OXR1: variants seen among roughly 807,000 people sequenced by gnomAD.
OXR1 encodes oxidation resistance protein 1.
In OXR1, 41 loss-of-function variants were observed where a neutral mutation model predicts 104.6. The observed-to-expected ratio is 0.39, with a 90% CI of 0.31 to 0.51. OXR1 has a LOEUF of 0.51. Among genes scored for constraint, OXR1 ranks in the 20% least tolerant of loss-of-function variants. The pLI is 0.77. For synonymous variants in OXR1, 348 were observed against 348.4 expected (o/e 1.00, Z 0.01); for missense variants, 955 against 1,031.9 (o/e 0.93, Z 1.02).
intron 8 of OXR1, among the ~76,000 whole-genome samples, chr8:106,703,340 A>G (rs528925655): frequency 6.6e-6 from 1 of 152,278 alleles, no homozygotes; most frequent in East Asian, 1.9e-4. Context: ...TATAGTGCCC[A>G]TTTAATTCAG....
intron 3 of OXR1, among the ~76,000 whole-genome samples, chr8:106,574,022 G>A (rs940874140): frequency 6.6e-6 from 1 of 152,100 alleles, no homozygotes. Flanking sequence ...TATATTAATT[G>A]GCCTACAGAA....
chr8:106,661,231 C>T (rs895197924), intron 3 of OXR1, among the ~76,000 whole-genome samples: 6 of 152,138 alleles, frequency 3.9e-5, no homozygotes, highest in African/African-American at 1.4e-4. Flanking sequence ...TGAGTTTACC[C>T]TTTCTATAAA....
At chr8:106,311,088 T>C (rs1051373364) in intron 1 of OXR1, among the ~76,000 whole-genome samples, 2 of 152,084 alleles carry the variant, frequency 1.3e-5, no homozygotes, top group Non-Finnish European at 2.9e-5. Context: ...ATTTTCTTAT[T>C]ATTTATCTCT....
chr8:106,427,477 C>T (rs1819180915), intron 2 of OXR1, among the ~76,000 whole-genome samples: 1 of 152,086 alleles, frequency 6.6e-6, no homozygotes, highest in South Asian at 2.1e-4. Flanking sequence ...ATAAAAGAGA[C>T]TGATAGATTC....
rs267601704 is a variant in OXR1 at position 106,739,530 on chromosome 8, C to T, written c.2110C>T (p.Arg704Ter). The T allele has an allele frequency of 1.2e-6, 2 of 1,613,368 alleles. No individual in the cohort carries two copies. The highest frequency in any genetic ancestry group is 1.7e-6 in the Non-Finnish European group (2 of 1,179,532). ...VKADLESESF[R>*]PNLSDPSELL... ...AGCAGACCTGGAGTCTGAATCTTTT[C>T]GACCAAACCTAAGTGATCCCAGTGA... Residue 704 changes from arginine to a stop codon, truncating the protein, a stop_gained, in exon 13 of 17, where the codon CGA becomes TGA. Transcript: ENST00000517566. LOFTEE classifies it high-confidence loss of function.
At chr8:106,482,549 C>T (rs1353047192) in intron 2 of OXR1, among the ~76,000 whole-genome samples, 2 of 152,034 alleles carry the variant, frequency 1.3e-5, no homozygotes, top group African/African-American at 4.8e-5. Flanking sequence ...ACTACTCAAG[C>T]TTGCACACAG....
intron 3 of OXR1, among the ~76,000 whole-genome samples, chr8:106,593,762 C>T (rs765864361): frequency 2.0e-5 from 3 of 152,072 alleles, no homozygotes; most frequent in Non-Finnish European, 4.4e-5. Context: ...GGCGACAGAG[C>T]GAGACTCCAT....
At chr8:106,452,408 A>G (rs1441077251) in intron 2 of OXR1, among the ~76,000 whole-genome samples, 2 of 152,138 alleles carry the variant, frequency 1.3e-5, no homozygotes, top group African/African-American at 4.8e-5. Context: ...TATATATATA[A>G]AATTTCTTTA....
At chr8:106,339,424 G>A (rs1586542120) in intron 1 of OXR1, among the ~76,000 whole-genome samples, 3 of 145,138 alleles carry the variant, frequency 2.1e-5, no homozygotes, top group Admixed American at 7.0e-5. Context: ...GAACCTGGCA[G>A]GCGGAGCTTG....
chr8:106,305,513 T>C (rs997081343), intron 1 of OXR1, among the ~76,000 whole-genome samples: 2 of 152,182 alleles, frequency 1.3e-5, no homozygotes, highest in African/African-American at 4.8e-5. Flanking sequence ...AAAAATGATC[T>C]TTGATCTATT....
chr8:106,703,480 A>G (rs1358365383), intron 8 of OXR1, among the ~76,000 whole-genome samples: 2 of 151,982 alleles, frequency 1.3e-5, no homozygotes, highest in South Asian at 2.1e-4. Flanking sequence ...GAGAGGCCAC[A>G]TGAGCAAAGA....
At chr8:106,528,272 T>C (rs1813839129) in intron 3 of OXR1, among the ~76,000 whole-genome samples, 1 of 152,228 alleles carries the variant, frequency 6.6e-6, no homozygotes, top group South Asian at 2.1e-4. Flanking sequence ...AAAATTATTT[T>C]ACTTGTCAAA....
At position 106,739,732 on chromosome 8, in the gene OXR1, A is replaced by G. The variant is rs899695397; in HGVS notation, c.2163+149A>G. 2.8e-5 allele frequency: 19 copies of G among 668,072 alleles called. No individual in the cohort carries two copies. In the East Asian group the frequency reaches 5.5e-4, roughly 19 times the overall value. 41.4% of individuals were successfully genotyped at this position (668,072 alleles called of 1,614,324 possible). On this transcript the variant is annotated intron_variant, in intron 13 of 16. Coordinates refer to ENST00000517566, the MANE Select transcript of OXR1 (RefSeq NM_001198533.2). ...AAGAAAGAGTAAGCAAAACATAGCA[A>G]CTAGTGTTAATTAAGATGTTAGGAG... is the stretch of plus-strand genomic sequence containing the variant.
intron 3 of OXR1, among the ~76,000 whole-genome samples, chr8:106,571,544 G>C (rs560832093): frequency 2.6e-5 from 4 of 152,134 alleles, no homozygotes; most frequent in Non-Finnish European, 5.9e-5. Flanking sequence ...TCACTCCACA[G>C]CATTCCTCCC....
At chr8:106,291,505 A>G (rs1205596788) in intron 1 of OXR1, among the ~76,000 whole-genome samples, 1 of 152,226 alleles carries the variant, frequency 6.6e-6, no homozygotes, top group Non-Finnish European at 1.5e-5. Flanking sequence ...AAACAAAACA[A>G]AAAAACAAGC....
At position 106,719,048 on chromosome 8, in the gene OXR1, A is replaced by G. The variant is rs1396871964; in HGVS notation, c.1956+5063A>G. Among the ~76,000 whole-genome samples the G allele has an allele frequency of 2.6e-5, 4 of 152,230 alleles. No homozygotes were observed. The East Asian group carries it at 7.7e-4, about 29-fold the overall frequency. The stretch of plus-strand genomic sequence containing the variant: ...TGGGGATCTGATAACCTTATTTGAT[A>G]ACTGAGAAGGAACTACTTATTACAG... On this transcript the variant is annotated intron_variant, in intron 11 of 16. Coordinates refer to ENST00000517566, the MANE Select transcript of OXR1 (RefSeq NM_001198533.2).
At chr8:106,617,120 G>A (rs1821304484) in intron 3 of OXR1, among the ~76,000 whole-genome samples, 1 of 152,128 alleles carries the variant, frequency 6.6e-6, no homozygotes, top group African/African-American at 2.4e-5. Flanking sequence ...CTTCTACCGG[G>A]ATAACAGGGA....
intron 3 of OXR1, among the ~76,000 whole-genome samples, chr8:106,536,423 A>G (rs1814544010): frequency 6.6e-6 from 1 of 152,056 alleles, no homozygotes; most frequent in Non-Finnish European, 1.5e-5. Context: ...CATCAGCATC[A>G]CCGAGAACAC....
intron 3 of OXR1, among the ~76,000 whole-genome samples, chr8:106,569,064 C>G (rs1374689396): frequency 6.6e-6 from 1 of 152,042 alleles, no homozygotes; most frequent in Non-Finnish European, 1.5e-5. Flanking sequence ...TTAGTATATT[C>G]CATATATCTT....
Sources: allele counts gnomAD v4.1 joint callset (sites outside exome capture counted in the v4.1 genomes callset), GRCh38; gene constraint gnomAD v4.1.1; transcripts MANE v1.5; gene names NCBI Gene and HGNC (gene_info 2026-07-23, HGNC 2026-07-21).